TBATA: variants seen among roughly 807,000 people sequenced by gnomAD.
The protein encoded by TBATA is protein TBATA.
A neutral mutation model predicts 38.7 loss-of-function variants in TBATA; 47 were observed. The ratio of observed to expected loss-of-function variants is 1.21; its 90% CI spans 0.96 to 1.55. The LOEUF (loss-of-function observed/expected upper bound fraction) is 1.55. TBATA is among the 40% of genes most tolerant of loss of function. TBATA has a pLI of 0.00. For missense variants in TBATA, 436 were observed against 435.6 expected (o/e 1.00, Z -0.01); for synonymous variants, 183 against 170.5 (o/e 1.07, Z -0.57).
Position 70,781,931 on chromosome 10 carries a change from G to T in TBATA, c.147C>A (p.Phe49Leu), listed in dbSNP as rs188354458. 6.2e-7 allele frequency: 1 copy of T among 1,614,076 alleles called. No homozygotes were observed. Among genetic ancestry groups the T allele is most frequent in the African/African-American group, 1.3e-5 (1 of 74,934 alleles). Residue 49 changes from phenylalanine to leucine, a missense_variant, in exon 4 of 11, where the codon TTC becomes TTA. Transcript: ENST00000456372. ...TCCTCAATGCCCGGCGGATCCGCTC[G>T]AAATCCACAATCCCTGGGATCACCA... Reference protein sequence around the residue: ...KELVIPGIVDFERIRRALRTP... With the variant: ...KELVIPGIVDLERIRRALRTP...
intron 2 of TBATA, 81 bp downstream of exon 2, chr10:70,784,566 G>T (rs906770070): frequency 3.3e-5 from 5 of 152,114 alleles, no homozygotes; most frequent in African/African-American, 4.8e-5. Flanking sequence ...GGGATGGGTT[G>T]GAGTTGTCTG....
intron 2 of TBATA, among the ~76,000 whole-genome samples, chr10:70,784,054 T>G (rs1446970514): frequency 6.6e-6 from 1 of 152,212 alleles, no homozygotes; most frequent in Non-Finnish European, 1.5e-5. Flanking sequence ...CATAAATGGT[T>G]TAGTTTATGT....
intron 4 of TBATA, among the ~76,000 whole-genome samples, chr10:70,780,499 C>T (rs1232334443): frequency 6.6e-6 from 1 of 152,042 alleles, no homozygotes; most frequent in Non-Finnish European, 1.5e-5. Context: ...AGGTACCTGT[C>T]CCCAGGTTTT....
intron 3 of TBATA, among the ~76,000 whole-genome samples, chr10:70,783,090 C>T (rs1177508594): frequency 6.6e-6 from 1 of 152,266 alleles, no homozygotes; most frequent in Non-Finnish European, 1.5e-5. Context: ...ACCCCTGGAA[C>T]TCCTTTGCTC....
chr10:70,782,108 A>G, intron 3 of TBATA, 72 bp from the exon 4 acceptor site: 1 of 1,499,364 alleles, frequency 6.7e-7, no homozygotes, highest in Non-Finnish European at 9.1e-7. Context: ...CTCAGAGCTC[A>G]GTGCTTGTTA....
Position 70,775,209 on chromosome 10 carries a change from A to G in TBATA, c.755T>C (p.Leu252Pro), listed in dbSNP as rs139876590. 9.5e-5 allele frequency: 154 copies of G among 1,613,964 alleles called. No individual in the cohort carries two copies. Among genetic ancestry groups the G allele is most frequent in the Middle Eastern group, 1.6e-4 (1 of 6,080 alleles). Reference sequence around the variant, plus strand: ...CTCACCCTTGGGCGGAGCGTAGAGCAGCCAGAACTGGATTGCGCTTAGCAA... The same window carrying G: ...CTCACCCTTGGGCGGAGCGTAGAGCGGCCAGAACTGGATTGCGCTTAGCAA... ...TDLLSAIQFW[L>P]LYAPPKEKDL... The change falls in exon 8 of 11, where the codon CTG (leucine) becomes CCG (proline). Residue 252 changes from leucine (L) to proline (P), a missense_variant. Physicochemically the swap from Leu to Pro is moderately conservative, Grantham distance 98. Transcript: ENST00000456372.
intron 5 of TBATA, 108 bp from the exon 6 acceptor site, chr10:70,778,744 C>A (rs1188463960): frequency 3.1e-6 from 3 of 974,788 alleles, no homozygotes. Flanking sequence ...GGCCTCCCTG[C>A]CTGGATCTTA....
intron 10 of TBATA, among the ~76,000 whole-genome samples, chr10:70,771,968 C>T (rs915150786): frequency 2.6e-5 from 4 of 152,090 alleles, no homozygotes; most frequent in African/African-American, 7.2e-5. Context: ...TGGCCTTTAC[C>T]GCAGGCCAGC....
intron 6 of TBATA, chr10:70,777,657 C>T (rs138894517): frequency 5.7e-4 from 235 of 412,402 alleles, no homozygotes; most frequent in African/African-American, 4.1e-3. Flanking sequence ...TGGATGCCCG[C>T]GGGTGGTTCT....
chr10:70,774,575 C>T (rs569858326), intron 8 of TBATA, among the ~76,000 whole-genome samples: 4 of 152,252 alleles, frequency 2.6e-5, no homozygotes, highest in South Asian at 2.1e-4. Flanking sequence ...AGGATGTGTA[C>T]GCCTTGTTCT....
chr10:70,771,874 C>A (rs1564571113), intron 10 of TBATA, among the ~76,000 whole-genome samples: 1 of 152,144 alleles, frequency 6.6e-6, no homozygotes, highest in Non-Finnish European at 1.5e-5. Flanking sequence ...CCATTCTTGT[C>A]CCCCATAGTC....
chr10:70,779,985 G>A (rs1843963036), intron 4 of TBATA, among the ~76,000 whole-genome samples: 1 of 152,212 alleles, frequency 6.6e-6, no homozygotes, highest in South Asian at 2.1e-4. Flanking sequence ...GATTTGGGCA[G>A]AGGTGAGACA....
intron 4 of TBATA, 43 bp from the exon 5 acceptor site, chr10:70,779,785 C>T (rs376820093): frequency 4.7e-6 from 7 of 1,502,096 alleles, no homozygotes; most frequent in South Asian, 1.4e-5. Context: ...CTTAGGTGGA[C>T]CTTAAGAGCT....
At chr10:70,774,421 G>C (rs888604055) in intron 8 of TBATA, 64 bp from the exon 9 acceptor site, 14 of 1,487,238 alleles carry the variant, frequency 9.4e-6, no homozygotes, top group Non-Finnish European at 1.3e-5. Context: ...CTGTGGCGGG[G>C]CCAGAAGCAG....
intron 4 of TBATA, among the ~76,000 whole-genome samples, chr10:70,780,912 G>C (rs1197006088): frequency 6.6e-6 from 1 of 152,112 alleles, no homozygotes; most frequent in Non-Finnish European, 1.5e-5. Flanking sequence ...TCTAGCCCCT[G>C]GTCCAAGCCA....
Position 70,772,553 on chromosome 10 carries a change from T to A in TBATA, c.934A>T (p.Lys312Ter). 6.2e-7 allele frequency: 1 copy of A among 1,614,196 alleles called. No homozygotes were observed. Among genetic ancestry groups the A allele is most frequent in the Non-Finnish European group, 8.5e-7 (1 of 1,180,032 alleles). ...QEPPCSQSPK[K>*]TKISPFTKSE... The stretch of plus-strand genomic sequence containing the variant: ...TTTGTAAAAGGTGATATCTTCGTTT[T>A]CTTCGGGGATTGACTGTGACCAAAT... Residue 312 changes from lysine (K) to a stop codon, truncating the protein, a stop_gained, in exon 10 of 11, where the codon AAA (lysine) becomes TAA (stop). Transcript: ENST00000456372. LOFTEE classifies it low-confidence loss of function (END_TRUNC).
chr10:70,780,794 C>T (rs755996150), intron 4 of TBATA, among the ~76,000 whole-genome samples: 13 of 152,130 alleles, frequency 8.5e-5, no homozygotes, highest in Admixed American at 2.6e-4. Flanking sequence ...AAATCTAAGT[C>T]GGCCTTGACT....
intron 6 of TBATA, among the ~76,000 whole-genome samples, 172 bp from the exon 7 acceptor site, chr10:70,777,510 C>A (rs550566862): frequency 2.0e-5 from 3 of 152,254 alleles, no homozygotes; most frequent in East Asian, 3.9e-4. Flanking sequence ...TGCCACCCCC[C>A]CAACCTCACC....
intron 8 of TBATA, among the ~76,000 whole-genome samples, chr10:70,774,851 TGG>T (rs377462374): frequency 6.6e-6 from 1 of 152,076 alleles, no homozygotes; most frequent in East Asian, 1.9e-4. Context: ...TGTGTGTGTG[TGG>T]GGGTCTCCCA....
Sources: gnomAD v4.1 joint callset for allele counts (sites outside exome capture counted in the v4.1 genomes callset) on GRCh38, gnomAD v4.1.1 for gene constraint, MANE v1.5 for transcripts, NCBI Gene and HGNC (gene_info 2026-07-23, HGNC 2026-07-21) for gene names.